Variants in ERCC1 observed in about 807,000 individuals in gnomAD.
ERCC1 encodes ERCC excision repair 1, endonuclease non-catalytic subunit.
ERCC1 carries 36 observed loss-of-function variants against 37.6 expected under a neutral mutation model. That is an observed-to-expected ratio of 0.96 (90% CI 0.73 to 1.26). The LOEUF is 1.26. Ranked by LOEUF, ERCC1 falls within the 50% of genes most tolerant of loss-of-function variation. The probability of loss-of-function intolerance (pLI) is 0.00; values close to 1 mark genes in which losing one functional copy is unlikely to be tolerated. For synonymous variants in ERCC1, 156 were observed against 162.1 expected, an observed-to-expected ratio of 0.96 and a Z score of 0.28; for missense variants, 349 against 376.5, an observed-to-expected ratio of 0.93 and a Z score of 0.60.
In ERCC1 at chr19:45,409,094, GC is replaced by G; in HGVS notation, c.*580del. ...ACAGCCAGAAGGAGCGAAGCCTCAG[GC>G]CCAGGCAGCTCTGGCAGCTCCCAAA... is the stretch of plus-strand genomic sequence containing the variant. On this transcript the variant is annotated 3_prime_UTR_variant, in exon 10 of 10. Coordinates refer to ENST00000300853, the MANE Select transcript of ERCC1 (RefSeq NM_001983.4). 6.2e-7 allele frequency: 1 copy of G among 1,613,550 alleles called. No homozygotes were observed. The highest frequency in any genetic ancestry group is 2.2e-5 in the East Asian group (1 of 44,860).
chr19:45,416,922 A>T (rs1974103581), intron 5 of ERCC1, 25 bp from the exon 6 acceptor site: 11 of 1,578,402 alleles, frequency 7.0e-6, no homozygotes, highest in Non-Finnish European at 8.7e-6. Flanking sequence ...CAGAATTAGA[A>T]ACCTAGAAGC....
rs374407868 is a variant in ERCC1 at position 45,409,699 on chromosome 19, G to C, written c.870C>G (p.His290Gln). The change falls in exon 10 of 10, where the codon CAC becomes CAG. Residue 290 changes from histidine to glutamine, a missense_variant. Coordinates refer to ENST00000300853, the MANE Select transcript of ERCC1 (RefSeq NM_001983.4). ...QKARRLFDVLHEPFLKVP is the reference protein window; with the variant it reads ...QKARRLFDVLQEPFLKVP The stretch of plus-strand genomic sequence containing the variant: ...ATCAGGGTACTTTCAAGAAGGGCTC[G>C]TGCAGGACATCAAACAGCCTCCGGG... The C allele has an allele frequency of 2.1e-6, 2 of 958,468 alleles. No homozygotes were observed. The highest frequency in any genetic ancestry group is 1.7e-5 in the Admixed American group (1 of 58,948). 59.4% of individuals were successfully genotyped at this position (958,468 alleles called of 1,614,324 possible). A position where few individuals can be genotyped will look rare whatever the true frequency, so the allele number is the denominator to read the frequency against.
upstream of ERCC1, among the ~76,000 whole-genome samples, chr19:45,428,381 G>A (rs1287392236): frequency 6.6e-6 from 1 of 152,052 alleles, no homozygotes; most frequent in African/African-American, 2.4e-5. Flanking sequence ...TTACTGTAGT[G>A]AGCCACTGCT....
At chr19:45,414,836 G>C in intron 7 of ERCC1, 25 bp downstream of exon 7, 1 of 1,546,730 alleles carries the variant, frequency 6.5e-7, no homozygotes, top group Non-Finnish European at 8.9e-7. Flanking sequence ...GGCCCAGGCA[G>C]GGATGGGAGG....
At chr19:45,425,082 A>ATTTTTTTTTTTTTT (rs35314737), upstream of ERCC1, among the ~76,000 whole-genome samples, 12 of 116,946 alleles carry the variant, frequency 1.0e-4, no homozygotes, top group Non-Finnish European at 1.8e-4. Flanking sequence ...TGCCCGGCTA[A>ATTTTTTTTTTTTTT]TTTTTTTTTT....
chr19:45,450,233 C>A (rs1255330081), intron 1 of ERCC1, among the ~76,000 whole-genome samples: 10 of 152,136 alleles, frequency 6.6e-5, no homozygotes, highest in African/African-American at 2.2e-4. Flanking sequence ...GCATACAGGT[C>A]CACAAGCATG....
intron 1 of ERCC1, among the ~76,000 whole-genome samples, chr19:45,434,157 A>ACAC (rs1568597008): frequency 0.056 from 6,084 of 108,560 alleles, 182 homozygotes; most frequent in Non-Finnish European, 0.069. Context: ...CACACACACA[A>ACAC]AAAAAAAAAA....
chr19:45,451,479 T>A (rs1967120159), intron 1 of ERCC1, among the ~76,000 whole-genome samples: 1 of 152,134 alleles, frequency 6.6e-6, no homozygotes, highest in Non-Finnish European at 1.5e-5. Flanking sequence ...CTCTTGCCTG[T>A]CTTTCTCGAG....
intron 1 of ERCC1, chr19:45,436,813 C>T (rs1974991634): frequency 6.6e-6 from 1 of 152,082 alleles, no homozygotes; most frequent in African/African-American, 2.4e-5. Context: ...GTGTGACAGC[C>T]AGGCATGGTA....
rs147766771 is a variant in ERCC1 at position 45,437,787 on chromosome 19, C to A, written c.-7-14406G>T. ...AGAAATATATTTCAGTGATCTATTG[C>A]ACAGCATGGTAACCACAGTTAATAC... On this transcript the variant is annotated intron_variant, in intron 1 of 8. Coordinates refer to the ERCC1 transcript ENST00000423698. Among the ~76,000 whole-genome samples, 411 of 152,320 alleles carry A rather than the reference C, an allele frequency of 2.7e-3. 2 individuals carry two copies. The highest frequency in any genetic ancestry group is 9.3e-3 in the African/African-American group (388 of 41,580).
chr19:45,450,019 C>T (rs1200989852), intron 1 of ERCC1, among the ~76,000 whole-genome samples: 1 of 152,088 alleles, frequency 6.6e-6, no homozygotes, highest in African/African-American at 2.4e-5. Context: ...TATTAAATAA[C>T]ATAATTAAAC....
intron 9 of ERCC1, among the ~76,000 whole-genome samples, chr19:45,412,584 G>A (rs934701192): frequency 6.6e-6 from 1 of 151,962 alleles, no homozygotes; most frequent in African/African-American, 2.4e-5. Context: ...CTTTTTGATT[G>A]GATTATTATA....
chr19:45,434,730 C>T (rs957658192), intron 1 of ERCC1, among the ~76,000 whole-genome samples: 3 of 151,802 alleles, frequency 2.0e-5, no homozygotes, highest in Non-Finnish European at 2.9e-5. Context: ...GGACTACAGG[C>T]GAACATTGCC....
At chr19:45,421,778 C>T (rs771521958) in intron 2 of ERCC1, among the ~76,000 whole-genome samples, 6 of 151,814 alleles carry the variant, frequency 4.0e-5, no homozygotes, top group Admixed American at 2.6e-4. Flanking sequence ...GGACTACAGG[C>T]GTGTACCACC....
At chr19:45,430,383 T>G (rs1311519850) in intron 1 of ERCC1, among the ~76,000 whole-genome samples, 1 of 152,154 alleles carries the variant, frequency 6.6e-6, no homozygotes, top group African/African-American at 2.4e-5. Flanking sequence ...ATCACCGCCA[T>G]CCCTATGTTA....
intron 7 of ERCC1, chr19:45,414,396 G>C (rs903714212): frequency 5.4e-6 from 2 of 372,044 alleles, no homozygotes; most frequent in Non-Finnish European, 1.0e-5. Flanking sequence ...AGAATCACTT[G>C]AACCTGGGAG....
chr19:45,421,718 C>T (rs987495648), intron 2 of ERCC1, among the ~76,000 whole-genome samples: 5 of 151,522 alleles, frequency 3.3e-5, no homozygotes, highest in African/African-American at 4.9e-5. Flanking sequence ...ACTGCAACCT[C>T]CGCCCCCCAG....
chr19:45,424,779 G>T (rs1974631109), upstream of ERCC1, among the ~76,000 whole-genome samples: 1 of 151,832 alleles, frequency 6.6e-6, no homozygotes, highest in Non-Finnish European at 1.5e-5. Context: ...TCTACTTTGG[G>T]CTTTAACTTT....
At chr19:45,428,409 C>T (rs1974753954), upstream of ERCC1, among the ~76,000 whole-genome samples, 1 of 152,072 alleles carries the variant, frequency 6.6e-6, no homozygotes, top group Admixed American at 6.6e-5. Flanking sequence ...TAAGCTGTTT[C>T]AAAACTAAAC....
Sources: allele counts gnomAD v4.1 joint callset (sites outside exome capture counted in the v4.1 genomes callset), GRCh38; gene constraint gnomAD v4.1.1; transcripts MANE v1.5; gene names NCBI Gene and HGNC (gene_info 2026-07-23, HGNC 2026-07-21).